Variants in KAZN observed in about 807,000 individuals in gnomAD.
KAZN encodes kazrin, periplakin interacting protein.
Under a neutral mutation model 87.4 loss-of-function variants are expected in KAZN, and 40 were observed. The observed-to-expected ratio is 0.46, with a 90% CI of 0.36 to 0.60. The LOEUF is 0.60. KAZN is among the 20% of genes least tolerant of loss of function. The pLI is 0.00. For synonymous variants in KAZN, 466 were observed against 458.3 expected, an observed-to-expected ratio of 1.02 and a Z score of -0.22; for missense variants, 898 against 1,073.9, an observed-to-expected ratio of 0.84 and a Z score of 2.29.
chr1:14,405,605 A>AGTGTGTGTGT (rs1553167624), intron 2 of KAZN, among the ~76,000 whole-genome samples: 8 of 86,178 alleles, frequency 9.3e-5, no homozygotes, highest in South Asian at 4.2e-4. Flanking sequence ...GACCCAATAA[A>AGTGTGTGTGT]ATGTGTGTGT....
At chr1:14,207,090 A>G (rs1315837015) in intron 2 of KAZN, among the ~76,000 whole-genome samples, 1 of 151,826 alleles carries the variant, frequency 6.6e-6, no homozygotes, top group African/African-American at 2.4e-5. Context: ...CAGCCTCTCA[A>G]GTAGCTGGGA....
intron 2 of KAZN, among the ~76,000 whole-genome samples, chr1:14,520,314 G>T (rs1467232520): frequency 6.6e-6 from 1 of 152,134 alleles, no homozygotes; most frequent in Admixed American, 6.5e-5. Context: ...GCCCAATGGA[G>T]GAGACAGACC....
chr1:13,929,352 A>G (rs7535502), intron 1 of KAZN, among the ~76,000 whole-genome samples: 37,258 of 151,986 alleles, frequency 0.25, 4,741 homozygotes, highest in South Asian at 0.34. Flanking sequence ...CATACCTTAT[A>G]CATTCATTGG....
intron 2 of KAZN, among the ~76,000 whole-genome samples, chr1:14,372,415 C>G (rs1352597143): frequency 6.6e-6 from 1 of 152,172 alleles, no homozygotes; most frequent in Non-Finnish European, 1.5e-5. Flanking sequence ...AACCTTCGTG[C>G]TAGTGACAGG....
At chr1:14,137,936 A>G (rs1645145447) in intron 1 of KAZN, among the ~76,000 whole-genome samples, 1 of 152,122 alleles carries the variant, frequency 6.6e-6, no homozygotes, top group Admixed American at 6.5e-5. Context: ...TTCAGTGTGT[A>G]TCTGAGCCAG....
chr1:15,105,174 C>T (rs1033113169), intron 13 of KAZN, among the ~76,000 whole-genome samples: 2 of 152,196 alleles, frequency 1.3e-5, no homozygotes, highest in Non-Finnish European at 2.9e-5. Context: ...ATATAGCCCT[C>T]ATAGCATGAA....
At chr1:14,882,585 A>G (rs1486339880) in intron 1 of KAZN, among the ~76,000 whole-genome samples, 1 of 152,178 alleles carries the variant, frequency 6.6e-6, no homozygotes, top group Non-Finnish European at 1.5e-5. Context: ...AGATCTTCAG[A>G]TGCTGGAGTG....
chr1:14,972,745 C>G (rs1331621357), intron 2 of KAZN, among the ~76,000 whole-genome samples: 1 of 151,892 alleles, frequency 6.6e-6, no homozygotes, highest in East Asian at 1.9e-4. Context: ...GAACTCCTGA[C>G]CTCAAGTGAT....
At chr1:14,140,832 G>A (rs565617764) in intron 1 of KAZN, among the ~76,000 whole-genome samples, 1 of 152,286 alleles carries the variant, frequency 6.6e-6, no homozygotes, top group South Asian at 2.1e-4. Context: ...GGTGATGGGA[G>A]ATCGGCTGGG....
chr1:14,013,157 A>T (rs1450942525), intron 1 of KAZN, among the ~76,000 whole-genome samples: 1 of 152,104 alleles, frequency 6.6e-6, no homozygotes, highest in Non-Finnish European at 1.5e-5. Context: ...TTCTCTAATG[A>T]TGTGGTTTTC....
At chr1:14,162,734 C>T (rs984266823) in intron 1 of KAZN, among the ~76,000 whole-genome samples, 4 of 151,756 alleles carry the variant, frequency 2.6e-5, no homozygotes, top group Non-Finnish European at 2.9e-5. Flanking sequence ...TTAGTAGAGA[C>T]GTGGTTTCAC....
chr1:14,535,024 T>G (rs1202231201), intron 2 of KAZN, among the ~76,000 whole-genome samples: 1 of 152,178 alleles, frequency 6.6e-6, no homozygotes, highest in Non-Finnish European at 1.5e-5. Context: ...CTACCTCTTC[T>G]GATTCCAGCC....
chr1:14,190,837 C>T (rs773252370), intron 2 of KAZN, among the ~76,000 whole-genome samples: 3 of 152,110 alleles, frequency 2.0e-5, no homozygotes, highest in Non-Finnish European at 2.9e-5. Flanking sequence ...CATCCCAGAA[C>T]AGCATAACCA....
rs1222237063 is a variant in KAZN at position 14,345,052 on chromosome 1, G to A, written c.249+164460G>A. Reference sequence around the variant, plus strand: ...TCCTGCCTCAGCCTTCCGAGTAGCTGGGATTACAGGCACCCGCTACCACAC... The same window carrying A: ...TCCTGCCTCAGCCTTCCGAGTAGCTAGGATTACAGGCACCCGCTACCACAC... On this transcript the variant is annotated intron_variant, in intron 2 of 16. Transcript: ENST00000636203. Among the ~76,000 whole-genome samples the A allele has an allele frequency of 3.3e-5, 5 of 151,998 alleles. No individual in the cohort carries two copies. In the East Asian group the frequency reaches 9.7e-4, roughly 29 times the overall value.
At chr1:14,523,057 C>T (rs1480020782) in intron 2 of KAZN, among the ~76,000 whole-genome samples, 1 of 152,172 alleles carries the variant, frequency 6.6e-6, no homozygotes, top group African/African-American at 2.4e-5. Context: ...CATGGAGACA[C>T]TCATCGTCCT....
chr1:14,544,348 T>TTTG (rs1472408696), intron 2 of KAZN, among the ~76,000 whole-genome samples: 2 of 115,536 alleles, frequency 1.7e-5, no homozygotes, highest in Non-Finnish European at 3.7e-5. Flanking sequence ...CTTTCTTTCT[T>TTTG]TCTTTTTTTT....
Position 14,599,129 on chromosome 1 carries a change from C to T in KAZN, c.132C>T (p.Gly44=). 1.3e-6 allele frequency: 2 copies of T among 1,491,012 alleles called. No homozygotes were observed. 92.4% of individuals were successfully genotyped at this position (1,491,012 alleles called of 1,614,324 possible). The change falls in exon 1 of 15, where the codon GGC becomes GGT. Residue 44 remains glycine, a synonymous_variant. Coordinates refer to ENST00000376030, the MANE Select transcript of KAZN (RefSeq NM_201628.3). The surrounding 1 kb of genome is among the most constrained non-coding windows in gnomAD (Gnocchi z 4.4). ...GACTGGCGGAACTGAGCGGCGGCGGCGGCCCCGGCCCGGGCCCGGGAGCCG... is the reference window on the plus strand; with the variant it reads ...GACTGGCGGAACTGAGCGGCGGCGGTGGCCCCGGCCCGGGCCCGGGAGCCG... ...NRRLAELSGG[G]GPGPGPGAAA...
chr1:14,344,901 A>G (rs914827243), intron 2 of KAZN, among the ~76,000 whole-genome samples: 8 of 149,974 alleles, frequency 5.3e-5, no homozygotes, highest in African/African-American at 2.0e-4. Context: ...AACACACACC[A>G]TTGCCATCCC....
intron 1 of KAZN, among the ~76,000 whole-genome samples, chr1:14,708,870 C>G (rs1642346772): frequency 6.6e-6 from 1 of 152,236 alleles, no homozygotes; most frequent in Non-Finnish European, 1.5e-5. Flanking sequence ...TTGCCCTCAT[C>G]AGGTCCTTGA....
Sources: allele counts gnomAD v4.1 joint callset (sites outside exome capture counted in the v4.1 genomes callset), GRCh38; gene constraint gnomAD v4.1.1; non-coding constraint Gnocchi (gnomAD v3.1); transcripts MANE v1.5; gene names NCBI Gene and HGNC (gene_info 2026-07-23, HGNC 2026-07-21).